Variants in CCN5 observed in about 807,000 individuals in gnomAD.
The protein encoded by CCN5 is cellular communication network factor 5, also known as CCN family member 5.
In CCN5, 17 loss-of-function variants were observed where a neutral mutation model predicts 18.7. The observed-to-expected ratio is 0.91, with a 90% CI of 0.62 to 1.36. CCN5 has a LOEUF of 1.36. Ranked by LOEUF, CCN5 falls within the 40% of genes most tolerant of loss-of-function variation. The pLI, the probability that CCN5 is intolerant of heterozygous loss-of-function variation, is 0.00. For missense variants in CCN5, 367 were observed against 342.9 expected, an observed-to-expected ratio of 1.07 and a Z score of -0.56; for synonymous variants, 135 against 145.2, an observed-to-expected ratio of 0.93 and a Z score of 0.50.
rs145816693 is a variant in CCN5, at chr20:44,719,610, G to A, written c.61-287G>A. On this transcript the variant is annotated intron_variant, in intron 1 of 3. Coordinates refer to ENST00000190983, the MANE Select transcript of CCN5 (RefSeq NM_003881.4). ...TGGAGGTTGAAGTGAGGCTGGGATCGCGCCACTGCACTCCAGCCTGGGCAA... is the reference window on the plus strand; with the variant it reads ...TGGAGGTTGAAGTGAGGCTGGGATCACGCCACTGCACTCCAGCCTGGGCAA... Among the ~76,000 whole-genome samples the A allele has an allele frequency of 5.5e-3, 842 of 152,234 alleles. 6 individuals are homozygous for A. Among genetic ancestry groups the A allele is most frequent in the African/African-American group, 0.016 (651 of 41,514 alleles).
In CCN5 at chr20:44,727,265, C is replaced by T. The variant is rs1237747384; in HGVS notation, c.711C>T (p.Cys237=). 5 of 1,613,410 alleles carry T rather than the reference C, an allele frequency of 3.1e-6. No individual in the cohort carries two copies. The highest frequency in any genetic ancestry group is 8.5e-7 in the Non-Finnish European group (1 of 1,179,834). The part of the protein sequence containing the change: ...TQRRLCLSRP[C]PPSRGRSPQN... ...GCCGCCTGTGCCTGTCCAGGCCCTGCCCACCCTCCAGGGGTCGCAGTCCAC... is the reference window on the plus strand; with the variant it reads ...GCCGCCTGTGCCTGTCCAGGCCCTGTCCACCCTCCAGGGGTCGCAGTCCAC... Residue 237 remains cysteine (C), a synonymous_variant, in exon 4 of 4, where the codon TGC becomes TGT. Transcript: ENST00000190983.
chr20:44,719,209 C>G (rs1285531836), intron 1 of CCN5, among the ~76,000 whole-genome samples: 1 of 152,230 alleles, frequency 6.6e-6, no homozygotes, highest in East Asian at 1.9e-4. Flanking sequence ...TGAGCGCCTA[C>G]TGCATGCCAG....
At chr20:44,724,609 G>T in intron 2 of CCN5, 129 bp from the exon 3 acceptor site, 1 of 1,436,554 alleles carries the variant, frequency 7.0e-7, no homozygotes, top group Non-Finnish European at 9.3e-7. Context: ...GCATATCCTG[G>T]GCTGGAGCCC....
At chr20:44,716,754 C>T (rs2065862397) in intron 1 of CCN5, 1 of 152,310 alleles carries the variant, frequency 6.6e-6, no homozygotes. Flanking sequence ...GCCGTTGGCT[C>T]CGGGGCTCCT....
chr20:44,715,256 TGTGTGAGCGC>T (rs1187516677), upstream of CCN5: 63 of 244,986 alleles, frequency 2.6e-4, no homozygotes, highest in African/African-American at 1.3e-3. Context: ...TGTGTGTGTG[TGTGTGAGCGC>T]GCGCGCGCGC....
At position 44,727,339 on chromosome 20, in the gene CCN5, C is replaced by T; in HGVS notation, c.*32C>T. On this transcript the variant is annotated 3_prime_UTR_variant, in exon 4 of 4. Coordinates refer to ENST00000190983, the MANE Select transcript of CCN5 (RefSeq NM_003881.4). ...GCTGGGAATGGGGACACGGTGTCCA[C>T]CATCCCCAGCTGGTGGCCCTGTGCC... The T allele has an allele frequency of 1.9e-6, 3 of 1,578,734 alleles. No homozygotes were observed. Among genetic ancestry groups the T allele is most frequent in the Middle Eastern group, 1.7e-4 (1 of 5,900 alleles).
rs538931706 is a variant in CCN5, at chr20:44,726,510, C to T, written c.533-577C>T. Among the ~76,000 whole-genome samples, 6 of 152,174 alleles carry T rather than the reference C, an allele frequency of 3.9e-5. No individual in the cohort carries two copies. In the South Asian group the frequency reaches 1.2e-3, roughly 32 times the overall value. On this transcript the variant is annotated intron_variant, in intron 3 of 3. Transcript: ENST00000190983. ...TTCCTGACTTCTACTCACTAGATAC[C>T]AGTAGCATCCCCCCAGTTGTGATCA...
chr20:44,721,653 A>G (rs1475034568), intron 2 of CCN5: 1 of 152,186 alleles, frequency 6.6e-6, no homozygotes, highest in Non-Finnish European at 1.5e-5. Context: ...AACAATTGAG[A>G]TAAGTAACAC....
intron 1 of CCN5, among the ~76,000 whole-genome samples, chr20:44,717,482 C>T (rs986615921): frequency 1.9e-4 from 29 of 152,140 alleles, no homozygotes; most frequent in African/African-American, 7.0e-4. Context: ...TCTGACAGTC[C>T]TCCCTCCATT....
rs143597211 is a variant in CCN5 at position 44,724,783 on chromosome 20, G to C, written c.323G>C (p.Arg108Pro). ...TGTGAGGTGAACGGCCGCCTGTATC[G>C]GGAAGGGGAGACCTTCCAGCCCCAC... is the stretch of plus-strand genomic sequence containing the variant. ...SSCEVNGRLY[R>P]EGETFQPHCS... Residue 108 changes from arginine (R) to proline (P), a missense_variant, in exon 3 of 4, where the codon CGG (arginine) becomes CCG (proline). Transcript: ENST00000190983. The C allele has an allele frequency of 6.2e-7, 1 of 1,612,604 alleles. No individual in the cohort carries two copies. The highest frequency in any genetic ancestry group is 1.3e-5 in the African/African-American group (1 of 74,922).
chr20:44,721,540 A>G (rs1239078702), intron 2 of CCN5: 2 of 147,450 alleles, frequency 1.4e-5, no homozygotes, highest in African/African-American at 5.0e-5. Flanking sequence ...AAAAAAAAGT[A>G]ATAACTCCAT....
rs1600999252 is a variant in CCN5, at chr20:44,727,573, A to C, written c.*266A>C. On this transcript the variant is annotated 3_prime_UTR_variant, in exon 4 of 4. Coordinates refer to ENST00000190983, the MANE Select transcript of CCN5 (RefSeq NM_003881.4). ...CAAGGTGTCCAGGGTCCTCTAGCCCACTCCCTGCCTACACACACAGCCTAT... is the reference window on the plus strand; with the variant it reads ...CAAGGTGTCCAGGGTCCTCTAGCCCCCTCCCTGCCTACACACACAGCCTAT... The C allele has an allele frequency of 7.8e-7, 1 of 1,287,580 alleles. No individual in the cohort carries two copies. The highest frequency in any genetic ancestry group is 2.6e-5 in the South Asian group (1 of 38,426). 79.8% of individuals were successfully genotyped at this position (1,287,580 alleles called of 1,614,324 possible). A position where few individuals can be genotyped will look rare whatever the true frequency, so the allele number is the denominator to read the frequency against.
In CCN5 at chr20:44,725,011, C is replaced by T; in HGVS notation, c.532+19C>T. ...GCCCAAGGTGAGCGCAGCGGTGGTCCAGGTCAGGGCAGGACTGCCTGGGGG... is the reference window on the plus strand; with the variant it reads ...GCCCAAGGTGAGCGCAGCGGTGGTCTAGGTCAGGGCAGGACTGCCTGGGGG... On this transcript the variant is annotated intron_variant, in intron 3 of 3. Coordinates refer to ENST00000190983, the MANE Select transcript of CCN5 (RefSeq NM_003881.4). The T allele has an allele frequency of 4.6e-6, 7 of 1,533,570 alleles. No individual in the cohort carries two copies. Among genetic ancestry groups the T allele is most frequent in the Non-Finnish European group, 6.1e-6 (7 of 1,142,916 alleles). 95.0% of individuals were successfully genotyped at this position (1,533,570 alleles called of 1,614,324 possible). A position where few individuals can be genotyped will look rare whatever the true frequency, so the allele number is the denominator to read the frequency against.
chr20:44,727,594 C>T lies in CCN5; in HGVS notation c.*287C>T. On this transcript the variant is annotated 3_prime_UTR_variant, in exon 4 of 4. Transcript: ENST00000190983. ...GCCCACTCCCTGCCTACACACACAG[C>T]CTATATCAAACATGCACACGGGCGA... is the stretch of plus-strand genomic sequence containing the variant. 8.4e-7 allele frequency: 1 copy of T among 1,183,598 alleles called. No homozygotes were observed. Among genetic ancestry groups the T allele is most frequent in the Non-Finnish European group, 1.1e-6 (1 of 926,676 alleles). The allele number at this position is 1,183,598 out of a possible 1,614,324, so 73.3% of individuals were successfully genotyped here.
chr20:44,721,688 A>G (rs2065901166), intron 2 of CCN5, among the ~76,000 whole-genome samples: 3 of 152,220 alleles, frequency 2.0e-5, no homozygotes. Context: ...TGTTATTTAC[A>G]TTTGCTGTGA....
At position 44,727,111 on chromosome 20, in the gene CCN5, C is replaced by G. The variant is rs1387046371; in HGVS notation, c.557C>G (p.Ser186Cys). Residue 186 changes from serine to cysteine, a missense_variant, in exon 4 of 4, where the codon TCT (serine) becomes TGT (cysteine). Coordinates refer to ENST00000190983, the MANE Select transcript of CCN5 (RefSeq NM_003881.4). ...AQGPQFSGLV[S>C]SLPPGVPCPE... is the part of the protein sequence containing the mutation. ...GGACCCCAGTTTTCTGGCCTTGTCT[C>G]TTCCCTGCCCCCTGGTGTCCCCTGC... 8 of 1,599,688 alleles carry G rather than the reference C, an allele frequency of 5.0e-6. No individual in the cohort carries two copies. Among genetic ancestry groups the G allele is most frequent in the East Asian group, 4.5e-5 (2 of 44,522 alleles).
In CCN5 at chr20:44,720,404, G is replaced by A. The variant is rs1339844254; in HGVS notation, c.277+291G>A. The A allele has an allele frequency of 1.7e-5, 8 of 477,478 alleles. No individual in the cohort carries two copies. In the Admixed American group the frequency reaches 2.5e-4, roughly 15 times the overall value. 29.6% of individuals were successfully genotyped at this position (477,478 alleles called of 1,614,324 possible). ...GTTCAAACAGCTTCTCCCCTGAGAA[G>A]CCCCCCCAGATTCTTCAAACCAGAT... is the stretch of plus-strand genomic sequence containing the variant. On this transcript the variant is annotated intron_variant, in intron 2 of 3. Transcript: ENST00000190983.
At position 44,720,061 on chromosome 20, in the gene CCN5, C is replaced by T. The variant is rs770881413; in HGVS notation, c.225C>T (p.Gly75=). The T allele has an allele frequency of 6.3e-6, 10 of 1,586,932 alleles. No individual in the cohort carries two copies. The highest frequency in any genetic ancestry group is 6.8e-6 in the Non-Finnish European group (8 of 1,172,146). ...DQLHVCDASQ[G]LVCQPGAGPG... ...TCCACGTCTGCGACGCCAGCCAGGG[C>T]CTGGTCTGCCAGCCCGGGGCAGGAC... is the stretch of plus-strand genomic sequence containing the variant. The change falls in exon 2 of 4, where the codon GGC becomes GGT. Residue 75 remains glycine, a synonymous_variant. Transcript: ENST00000190983.
At chr20:44,717,510 G>A (rs1316760694) in intron 1 of CCN5, among the ~76,000 whole-genome samples, 2 of 152,178 alleles carry the variant, frequency 1.3e-5, no homozygotes, top group Non-Finnish European at 2.9e-5. Context: ...AGCCAAGGGA[G>A]CTGAACCTCT....
Sources: allele counts gnomAD v4.1 joint callset (sites outside exome capture counted in the v4.1 genomes callset), GRCh38; gene constraint gnomAD v4.1.1; transcripts MANE v1.5; gene names NCBI Gene and HGNC (gene_info 2026-07-23, HGNC 2026-07-21).